Variants in CLNK observed in about 807,000 individuals in gnomAD.
The protein encoded by CLNK is cytokine-dependent hematopoietic cell linker.
Under a neutral mutation model 68.6 loss-of-function variants are expected in CLNK, and 74 were observed. The ratio of observed to expected loss-of-function variants is 1.08; its 90% CI spans 0.89 to 1.31. The LOEUF is 1.31. CLNK is among the 50% of genes most tolerant of loss of function. The pLI is 0.00. For missense variants in CLNK, 553 were observed against 515.3 expected, an observed-to-expected ratio of 1.07 and a Z score of -0.71; for synonymous variants, 198 against 172.2, an observed-to-expected ratio of 1.15 and a Z score of -1.17.
intron 18 of CLNK, among the ~76,000 whole-genome samples, chr4:10,500,082 G>A (rs1716977812): frequency 6.6e-6 from 1 of 152,130 alleles, no homozygotes; most frequent in Non-Finnish European, 1.5e-5. Context: ...ATGTTAAACA[G>A]GAATCATTAA....
At chr4:10,639,400 C>A (rs556078401) in intron 2 of CLNK, among the ~76,000 whole-genome samples, 28 of 152,214 alleles carry the variant, frequency 1.8e-4, no homozygotes, top group Non-Finnish European at 4.1e-4. Flanking sequence ...TTAGGGCTTG[C>A]ATATGTCCTG....
chr4:10,507,991 C>A lies in CLNK; in HGVS notation c.952G>T (p.Ala318Ser). 1 of 1,610,680 alleles carries A rather than the reference C, an allele frequency of 6.2e-7. No homozygotes were observed. Among genetic ancestry groups the A allele is most frequent in the Non-Finnish European group, 8.5e-7 (1 of 1,178,556 alleles). ...TCCTTCATGAATGCCTCTTCCACTG[C>A]CTGGCGGCTGTATTCTCCAATGTAC... ...EWYIGEYSRQ[A>S]VEEAFMKENK... The change falls in exon 17 of 19, where the codon GCA (alanine) becomes TCA (serine). Residue 318 changes from alanine (A) to serine (S), a missense_variant. Coordinates refer to ENST00000226951, the MANE Select transcript of CLNK (RefSeq NM_052964.4).
chr4:10,607,014 A>C (rs1298317705), intron 2 of CLNK, among the ~76,000 whole-genome samples: 1 of 152,196 alleles, frequency 6.6e-6, no homozygotes, highest in African/African-American at 2.4e-5. Flanking sequence ...GATGTTACAG[A>C]TGAGAAAACC....
At chr4:10,598,788 A>G (rs1721478889) in intron 2 of CLNK, 2 of 317,792 alleles carry the variant, frequency 6.3e-6, no homozygotes, top group Admixed American at 3.8e-5. Flanking sequence ...CATTAGCTCT[A>G]TCAAACACTG....
chr4:10,602,302 C>T (rs1023093392), intron 2 of CLNK, among the ~76,000 whole-genome samples: 9 of 152,234 alleles, frequency 5.9e-5, no homozygotes, highest in East Asian at 1.9e-4. Context: ...GGTTTAACGA[C>T]GTGTACCAAG....
At chr4:10,690,325 G>A in the CLNK span, among the ~76,000 whole-genome samples, 12 of 152,214 alleles carry the variant, frequency 7.9e-5, no homozygotes, top group South Asian at 4.2e-4. Context: ...GAGCTCATCC[G>A]GCAGAGGCAA....
chr4:10,660,843 G>A (rs1457951357), intron 2 of CLNK, among the ~76,000 whole-genome samples: 1 of 152,186 alleles, frequency 6.6e-6, no homozygotes, highest in Non-Finnish European at 1.5e-5. Flanking sequence ...GCAACCTCTG[G>A]CAAACTCTAT....
At chr4:10,501,079 G>A (rs113234200) in intron 18 of CLNK, among the ~76,000 whole-genome samples, 177 bp downstream of exon 18, 143 of 152,364 alleles carry the variant, frequency 9.4e-4, no homozygotes, top group African/African-American at 2.9e-3. Flanking sequence ...AGAACTGGTC[G>A]CTGGCCTGGT....
intron 2 of CLNK, among the ~76,000 whole-genome samples, chr4:10,638,275 A>T (rs1394832291): frequency 1.3e-5 from 2 of 152,222 alleles, no homozygotes; most frequent in Admixed American, 6.5e-5. Flanking sequence ...AATGTAGCTT[A>T]TATGTAGGAT....
At chr4:10,598,636 G>A (rs1268810890) in intron 2 of CLNK, 1 of 435,856 alleles carries the variant, frequency 2.3e-6, no homozygotes, top group Non-Finnish European at 4.6e-6. Context: ...CACTTTCTAT[G>A]AAGAGATTAA....
intron 8 of CLNK, among the ~76,000 whole-genome samples, chr4:10,547,206 T>C (rs1719269737): frequency 1.3e-5 from 2 of 152,152 alleles, no homozygotes; most frequent in African/African-American, 2.4e-5. Context: ...TAAGCCCAGA[T>C]AGGTGATGGC....
At chr4:10,721,805 A>G in the CLNK span, among the ~76,000 whole-genome samples, 6 of 152,208 alleles carry the variant, frequency 3.9e-5, no homozygotes, top group African/African-American at 1.4e-4. Context: ...TTCATCAAGC[A>G]AGTACCAATC....
At chr4:10,683,234 T>C (rs547667577) in intron 1 of CLNK, among the ~76,000 whole-genome samples, 6 of 152,208 alleles carry the variant, frequency 3.9e-5, no homozygotes, top group South Asian at 2.1e-4. Context: ...ACAGTCTTTC[T>C]AAGACAGCAC....
At chr4:10,680,986 G>GATATAT (rs372041491) in intron 1 of CLNK, among the ~76,000 whole-genome samples, 10 of 149,860 alleles carry the variant, frequency 6.7e-5, no homozygotes, top group Non-Finnish European at 8.9e-5. Context: ...AGGACGTCCT[G>GATATAT]ATATATATAT....
chr4:10,513,601 G>A lies in CLNK; in HGVS notation c.773-4C>T, dbSNP rs760702157. The A allele has an allele frequency of 1.3e-6, 2 of 1,592,320 alleles. No homozygotes were observed. Among genetic ancestry groups the A allele is most frequent in the Non-Finnish European group, 1.7e-6 (2 of 1,169,604 alleles). ...GGCTGCATGCCTCCTCTATGATCTGGAAAGGTTAAATTCACATTTCAGTGT... is the reference window on the plus strand; with the variant it reads ...GGCTGCATGCCTCCTCTATGATCTGAAAAGGTTAAATTCACATTTCAGTGT... On this transcript the variant is annotated splice_polypyrimidine_tract_variant and splice_region_variant and intron_variant, in intron 15 of 18. Coordinates refer to ENST00000226951, the MANE Select transcript of CLNK (RefSeq NM_052964.4).
Position 10,523,113 on chromosome 4 carries a change from A to G in CLNK, c.732-2282T>C, listed in dbSNP as rs78736791. On this transcript the variant is annotated intron_variant, in intron 14 of 18. Transcript: ENST00000226951. ...CAAGGAGCTAGTCAAATGGGGGAGA[A>G]ATAGACACATTCAACACATGTTTTA... Among the ~76,000 whole-genome samples the G allele has an allele frequency of 7.6e-3, 1,158 of 152,362 alleles. 10 individuals carry two copies. The highest frequency in any genetic ancestry group is 0.037 in the Middle Eastern group (11 of 294).
chr4:10,634,293 C>T (rs1444028754), intron 2 of CLNK, among the ~76,000 whole-genome samples: 2 of 152,130 alleles, frequency 1.3e-5, no homozygotes, highest in African/African-American at 2.4e-5. Flanking sequence ...AAGGAGACAC[C>T]TGGGTGGTCA....
At chr4:10,603,400 C>T (rs1030986869) in intron 2 of CLNK, among the ~76,000 whole-genome samples, 1 of 152,130 alleles carries the variant, frequency 6.6e-6, no homozygotes, top group African/African-American at 2.4e-5. Context: ...CATATTAGTC[C>T]ATTTAATCCT....
At chr4:10,726,656 A>G in the CLNK span, among the ~76,000 whole-genome samples, 1 of 152,226 alleles carries the variant, frequency 6.6e-6, no homozygotes, top group Non-Finnish European at 1.5e-5. Flanking sequence ...TAGAATTATT[A>G]TTAATGAAGA....
Sources: allele counts gnomAD v4.1 joint callset (sites outside exome capture counted in the v4.1 genomes callset), GRCh38; gene constraint gnomAD v4.1.1; transcripts MANE v1.5; gene names NCBI Gene and HGNC (gene_info 2026-07-23, HGNC 2026-07-21).